The following PDZD7 variants were observed in gnomAD, a reference collection of about 807,000 sequenced individuals.
PDZD7 encodes the protein PDZ domain-containing protein 7.
A neutral mutation model predicts 84.7 loss-of-function variants in PDZD7; 72 were observed. The observed-to-expected ratio is 0.85, with a 90% CI of 0.70 to 1.03. PDZD7 has a LOEUF of 1.03. PDZD7 is among the 50% of genes least tolerant of loss of function. The probability of loss-of-function intolerance (pLI) is 0.00; values close to 1 mark genes in which losing one functional copy is unlikely to be tolerated. For synonymous variants in PDZD7, 594 were observed against 580.7 expected, an observed-to-expected ratio of 1.02 and a Z score of -0.33; for missense variants, 1,490 against 1,412.9, an observed-to-expected ratio of 1.05 and a Z score of -0.87.
rs967313774 is a variant in PDZD7, at chr10:101,016,404, T to G, written c.1546A>C (p.Lys516Gln). The stretch of plus-strand genomic sequence containing the variant: ...CGTCTCAGTCTCCAGGTGACAAACT[T>G]CTGTACCGGGCCCACGCCCCCTGCT... ...EKAGGVGPVQKFVTWRLRRDQ... is the reference protein window; with the variant it reads ...EKAGGVGPVQQFVTWRLRRDQ... Residue 516 changes from lysine to glutamine, a missense_variant, in exon 10 of 17, where the codon AAG (lysine) becomes CAG (glutamine). Transcript: ENST00000619208. 3 of 1,550,652 alleles carry G rather than the reference T, an allele frequency of 1.9e-6. No individual in the cohort carries two copies. Among genetic ancestry groups the G allele is most frequent in the Middle Eastern group, 3.3e-4 (2 of 5,990 alleles).
chr10:101,018,677 A>G, intron 8 of PDZD7, 145 bp downstream of exon 8: 1 of 1,076,836 alleles, frequency 9.3e-7, no homozygotes. Context: ...AGCCCACAGC[A>G]GGGTCTGAGC....
rs1852286842 is a variant in PDZD7 at position 101,008,427 on chromosome 10, A to G, written c.*40T>C. On this transcript the variant is annotated 3_prime_UTR_variant, in exon 17 of 17. Transcript: ENST00000619208. ...TAGGAGAGGTCCTGGGGATAACGGGATGCTGGAGTCAGTGGGTGAATCTGA... is the reference window on the plus strand; with the variant it reads ...TAGGAGAGGTCCTGGGGATAACGGGGTGCTGGAGTCAGTGGGTGAATCTGA... The G allele has an allele frequency of 1.4e-6, 2 of 1,466,996 alleles. No homozygotes were observed. Among genetic ancestry groups the G allele is most frequent in the African/African-American group, 2.8e-5 (2 of 71,040 alleles). 90.9% of individuals were successfully genotyped at this position (1,466,996 alleles called of 1,614,324 possible). A position where few individuals can be genotyped will look rare whatever the true frequency, so the allele number is the denominator to read the frequency against.
At chr10:101,020,773 A>C (rs942886888) in intron 6 of PDZD7, 95 bp from the exon 7 acceptor site, 6 of 884,654 alleles carry the variant, frequency 6.8e-6, no homozygotes, top group Non-Finnish European at 1.1e-5. Flanking sequence ...GTAAACTTTC[A>C]ACTTCATTTC....
At chr10:101,015,564 T>C (rs1210419089) in intron 11 of PDZD7, 72 bp downstream of exon 11, 2 of 1,497,988 alleles carry the variant, frequency 1.3e-6, no homozygotes, top group African/African-American at 2.8e-5. Flanking sequence ...CAGTGGACAG[T>C]GGCCTGAATG....
chr10:101,013,048 T>C (rs1051688943), intron 11 of PDZD7, among the ~76,000 whole-genome samples: 8 of 152,180 alleles, frequency 5.3e-5, no homozygotes, highest in Non-Finnish European at 1.2e-4. Context: ...CATAGAACAC[T>C]TTCTATGGGC....
intron 10 of PDZD7, 118 bp downstream of exon 10, chr10:101,016,259 T>C: frequency 9.9e-7 from 1 of 1,014,658 alleles, no homozygotes; most frequent in Admixed American, 2.0e-5. Context: ...AGCTGCCTGA[T>C]CCCCCATGCT....
rs147777665 is a variant in PDZD7 at position 101,010,247 on chromosome 10, C to T, written c.2617+25G>A. 1.2e-3 allele frequency: 1,830 copies of T among 1,502,734 alleles called. 15 individuals are homozygous for T. The African/African-American group carries it at 0.023, about 18-fold the overall frequency. 93.1% of individuals were successfully genotyped at this position (1,502,734 alleles called of 1,614,324 possible). On this transcript the variant is annotated intron_variant, in intron 15 of 16. Transcript: ENST00000619208. ...GCCCAGGCTTCCTAGTGTCCTCTGC[C>T]GGGCCCAGTCCCACGTGGACTCACC...
At chr10:101,011,660 C>A (rs1852396446) in intron 14 of PDZD7, 30 bp downstream of exon 14, 1 of 1,536,348 alleles carries the variant, frequency 6.5e-7, no homozygotes, top group Admixed American at 2.0e-5. Context: ...AGGGCTGTGC[C>A]CCTCCCTGGG....
chr10:101,012,963 C>T (rs11591900), intron 11 of PDZD7, among the ~76,000 whole-genome samples: 9,768 of 152,324 alleles, frequency 0.064, 350 homozygotes, highest in Non-Finnish European at 0.071. Context: ...AAGACCTGAA[C>T]ACTGGGAGCC....
In PDZD7 at chr10:101,021,819, C is replaced by T. The variant is rs1410976727; in HGVS notation, c.846G>A (p.Thr282=). 1.1e-5 allele frequency: 17 copies of T among 1,614,182 alleles called. No homozygotes were observed. Among genetic ancestry groups the T allele is most frequent in the South Asian group, 7.7e-5 (7 of 91,080 alleles). ...CCACCTTGATGGTCAGCATGATGTG[C>T]GTTTGGCCCTTCAGCACCTCCACGG... ...SQAVEVLKGQ[T]HIMLTIKETG... is the part of the protein sequence containing the mutation. Residue 282 remains threonine (T), a synonymous_variant, in exon 6 of 17, where the codon ACG becomes ACA. Transcript: ENST00000619208.
intron 9 of PDZD7, chr10:101,017,628 G>A: frequency 1.4e-6 from 1 of 701,006 alleles, no homozygotes; most frequent in Non-Finnish European, 2.6e-6. Context: ...ACAAAAAGAT[G>A]CAAAAAAATT....
rs1852378229 is a variant in PDZD7, at chr10:101,011,048, C to T, written c.2006-165G>A. On this transcript the variant is annotated intron_variant, in intron 14 of 16. Coordinates refer to ENST00000619208, the MANE Select transcript of PDZD7 (RefSeq NM_001195263.2). Reference sequence around the variant, plus strand: ...GCAGACAGACATGTTCTATTAGAATCGCTTATTTATTTATTTGAGATGGAA... The same window carrying T: ...GCAGACAGACATGTTCTATTAGAATTGCTTATTTATTTATTTGAGATGGAA... The T allele has an allele frequency of 7.3e-6, 7 of 958,030 alleles. No homozygotes were observed. In the South Asian group the frequency reaches 1.5e-4, roughly 20 times the overall value. The allele number at this position is 958,030 out of a possible 1,614,324, so 59.3% of individuals were successfully genotyped here.
intron 8 of PDZD7, 84 bp downstream of exon 8, chr10:101,018,738 G>A (rs893386799): frequency 4.1e-6 from 6 of 1,460,040 alleles, no homozygotes; most frequent in Non-Finnish European, 4.5e-6. Flanking sequence ...GGGGCAAAGG[G>A]AGGTTTGAGC....
chr10:101,019,437 G>A (rs1006141794), intron 7 of PDZD7, among the ~76,000 whole-genome samples: 1 of 152,190 alleles, frequency 6.6e-6, no homozygotes, highest in South Asian at 2.1e-4. Flanking sequence ...AGGAGAGCCT[G>A]CATTTTATCC....
intron 3 of PDZD7, 89 bp downstream of exon 3, chr10:101,023,839 C>G: frequency 6.2e-7 from 1 of 1,600,358 alleles, no homozygotes; most frequent in South Asian, 1.1e-5. Flanking sequence ...GGGACTCTTC[C>G]GTCTGTCCCT....
chr10:101,028,602 TA>T (rs71975380), intron 2 of PDZD7, among the ~76,000 whole-genome samples: 41,883 of 134,532 alleles, frequency 0.31, 6,282 homozygotes, highest in Middle Eastern at 0.43. Flanking sequence ...CTTTCCCTCT[TA>T]AAAAAAAAAA....
In PDZD7 at chr10:101,010,673, G is replaced by C; in HGVS notation, c.2216C>G (p.Pro739Arg). The C allele has an allele frequency of 6.6e-7, 1 of 1,523,180 alleles. No individual in the cohort carries two copies. The highest frequency in any genetic ancestry group is 8.8e-7 in the Non-Finnish European group (1 of 1,137,970). The allele number at this position is 1,523,180 out of a possible 1,614,324, so 94.4% of individuals were successfully genotyped here. The change falls in exon 15 of 17, where the codon CCC becomes CGC. Residue 739 changes from proline to arginine, a missense_variant. Physicochemically the swap from Pro to Arg is moderately radical, Grantham distance 103. Transcript: ENST00000619208. ...CCGCAGGGGCCGGGGAGCCACGGGG[G>C]GTAGCTGGGGAGGGGGTGTGCAGGC... Reference protein sequence around the residue: ...RIACTPPPQLPPVAPRPLRPN... With the variant: ...RIACTPPPQLRPVAPRPLRPN...
At chr10:101,015,461 C>T (rs899696761) in intron 11 of PDZD7, among the ~76,000 whole-genome samples, 175 bp downstream of exon 11, 4 of 137,758 alleles carry the variant, frequency 2.9e-5, no homozygotes, top group African/African-American at 1.0e-4. Context: ...TGTGAGCTGG[C>T]AGATGTGTGT....
In PDZD7 at chr10:101,010,726, T is replaced by C. The variant is rs1199223255; in HGVS notation, c.2163A>G (p.Pro721=). 1.3e-5 allele frequency: 15 copies of C among 1,140,664 alleles called. No individual in the cohort carries two copies. Among genetic ancestry groups the C allele is most frequent in the Non-Finnish European group, 1.7e-5 (15 of 866,926 alleles). The allele number at this position is 1,140,664 out of a possible 1,614,324, so 70.7% of individuals were successfully genotyped here. A position where few individuals can be genotyped will look rare whatever the true frequency, so the allele number is the denominator to read the frequency against. ...TTCGGAGGGGGGTGAAGGCATCTACTGGCACGTCTTGTAGAGGGGGGATCC... is the reference window on the plus strand; with the variant it reads ...TTCGGAGGGGGGTGAAGGCATCTACCGGCACGTCTTGTAGAGGGGGGATCC... ...HKGIPPLQDV[P]VDAFTPLRIA... The change falls in exon 15 of 17, where the codon CCA becomes CCG. Residue 721 remains proline, a synonymous_variant. Coordinates refer to ENST00000619208, the MANE Select transcript of PDZD7 (RefSeq NM_001195263.2).
Sources: allele counts gnomAD v4.1 joint callset (sites outside exome capture counted in the v4.1 genomes callset), GRCh38; gene constraint gnomAD v4.1.1; transcripts MANE v1.5; gene names NCBI Gene and HGNC (gene_info 2026-07-23, HGNC 2026-07-21).